The following SARM1 variants were observed in gnomAD, a reference collection of about 807,000 sequenced individuals.
SARM1 encodes the protein sterile alpha and TIR motif containing 1, also known as NAD(+) hydrolase SARM1.
In SARM1, 60 loss-of-function variants were observed where a neutral mutation model predicts 65.1. The observed-to-expected ratio is 0.92, with a 90% CI of 0.75 to 1.14. The LOEUF (loss-of-function observed/expected upper bound fraction) is 1.14, where lower values mean the gene tolerates loss of function less well. SARM1 is among the 50% of genes most tolerant of loss of function. The probability of loss-of-function intolerance (pLI) is 0.00; values close to 1 mark genes in which losing one functional copy is unlikely to be tolerated. For missense variants in SARM1, 913 were observed against 1,015.7 expected (o/e 0.90, Z 1.37); for synonymous variants, 417 against 465.4 (o/e 0.90, Z 1.34).
rs1400841663 is a variant in SARM1, at chr17:28,403,275, T to C, written c.*6989T>C. 6.6e-6 allele frequency: 1 copy of C among 152,250 alleles called. No individual in the cohort carries two copies. The highest frequency in any genetic ancestry group is 2.4e-5 in the African/African-American group (1 of 41,444). The allele number at this position is 152,250 out of a possible 1,614,324, so 9.4% of individuals were successfully genotyped here. ...ACAGCAATCTCAGGGAACCAATACA[T>C]GAGGTAAAAAGGTAACATCTATGAA... On this transcript the variant is annotated 3_prime_UTR_variant, in exon 9 of 9. Coordinates refer to ENST00000585482, the MANE Select transcript of SARM1 (RefSeq NM_015077.4).
intron 7 of SARM1, among the ~76,000 whole-genome samples, chr17:28,392,337 CGATCTCCTGACCTCGT>C (rs1184018920): frequency 6.6e-6 from 1 of 151,842 alleles, no homozygotes; most frequent in Non-Finnish European, 1.5e-5. Flanking sequence ...AAGATGGTCT[CGATCTCCTGACCTCGT>C]GATCCGCCCG....
At chr17:28,390,351 A>G (rs1336172240) in intron 7 of SARM1, among the ~76,000 whole-genome samples, 1 of 152,122 alleles carries the variant, frequency 6.6e-6, no homozygotes, top group Non-Finnish European at 1.5e-5. Flanking sequence ...AATGTTTCTT[A>G]TCAGACTTAT....
Position 28,384,642 on chromosome 17 carries a change from C to G in SARM1, c.1302+73C>G. On this transcript the variant is annotated intron_variant, in intron 3 of 8. Transcript: ENST00000585482. This position sits in a 1 kb window ranked among gnomAD's most constrained non-coding sequence, Gnocchi z 4.4. ...GTGCACAGGGACTGCGTTCCCTCCC[C>G]GCCTCGCAATCCCGCGGCGCCAGGG... 7.0e-7 allele frequency: 1 copy of G among 1,420,802 alleles called. No individual in the cohort carries two copies. Among genetic ancestry groups the G allele is most frequent in the Non-Finnish European group, 9.5e-7 (1 of 1,051,858 alleles). 88.0% of individuals were successfully genotyped at this position (1,420,802 alleles called of 1,614,324 possible).
At chr17:28,374,488 G>C (rs2067978123) in intron 1 of SARM1, among the ~76,000 whole-genome samples, 1 of 152,042 alleles carries the variant, frequency 6.6e-6, no homozygotes, top group Non-Finnish European at 1.5e-5. Context: ...AGTGAGCTGA[G>C]AGCGCGCCAC....
At chr17:28,386,833 G>A (rs945213378) in intron 5 of SARM1, among the ~76,000 whole-genome samples, 7 of 152,124 alleles carry the variant, frequency 4.6e-5, no homozygotes, top group African/African-American at 1.4e-4. Flanking sequence ...TCAACCTCCC[G>A]GGCTCAAGTG....
chr17:28,388,425 C>T lies in SARM1; in HGVS notation c.1809C>T (p.Phe603=), dbSNP rs782246298. 2.9e-5 allele frequency: 47 copies of T among 1,613,868 alleles called. No homozygotes were observed. The South Asian group carries it at 4.6e-4, about 16-fold the overall frequency. The change falls in exon 7 of 9, where the codon TTC becomes TTT. Residue 603 remains phenylalanine (F), a synonymous_variant. Transcript: ENST00000585482. The stretch of plus-strand genomic sequence containing the variant: ...TGGAGAAGCTGGAAGCAGGCAAGTT[C>T]GAGGACAAACTCATCCAGAGTGTCA... ...IDVEKLEAGK[F]EDKLIQSVMG...
Position 28,381,395 on chromosome 17 carries a change from G to A in SARM1, c.663G>A (p.Ala221=). 1 of 1,554,838 alleles carries A rather than the reference G, an allele frequency of 6.4e-7. No homozygotes were observed. Among genetic ancestry groups the A allele is most frequent in the Non-Finnish European group, 8.7e-7 (1 of 1,150,114 alleles). The change falls in exon 2 of 9, where the codon GCG becomes GCA. Residue 221 remains alanine (A), a synonymous_variant. Transcript: ENST00000585482. The part of the protein sequence containing the change: ...VLYWCRRTDP[A]LLRHCALALG... ...ATTGGTGCCGCCGCACGGACCCCGCGCTGCTGCGCCACTGCGCGCTGGCGC... is the reference window on the plus strand; with the variant it reads ...ATTGGTGCCGCCGCACGGACCCCGCACTGCTGCGCCACTGCGCGCTGGCGC...
At chr17:28,379,065 A>G (rs2068007497) in intron 1 of SARM1, among the ~76,000 whole-genome samples, 1 of 152,116 alleles carries the variant, frequency 6.6e-6, no homozygotes, top group Admixed American at 6.6e-5. Flanking sequence ...TATCTATATG[A>G]CAATCTCTTT....
rs369471535 is a variant in SARM1, at chr17:28,395,875, G to T, written c.1924-30G>T. 95 of 1,611,928 alleles carry T rather than the reference G, an allele frequency of 5.9e-5. No individual in the cohort carries two copies. The African/African-American group carries it at 1.2e-3, about 20-fold the overall frequency. On this transcript the variant is annotated intron_variant, in intron 7 of 8. Coordinates refer to ENST00000585482, the MANE Select transcript of SARM1 (RefSeq NM_015077.4). ...CAAGGGTCCCTAGATGGGTACAGGG[G>T]TATCTTCCTCCTTTCCTTTCTTTCT...
chr17:28,387,155 C>T (rs183803227), intron 5 of SARM1, among the ~76,000 whole-genome samples: 15 of 152,048 alleles, frequency 9.9e-5, no homozygotes, highest in Admixed American at 9.8e-4. Flanking sequence ...ATGACATGCT[C>T]AGATTTGGAT....
In SARM1 at chr17:28,385,263, A is replaced by T; in HGVS notation, c.1618A>T (p.Thr540Ser). The change falls in exon 5 of 9, where the codon ACG becomes TCG. Residue 540 changes from threonine (T) to serine (S), a missense_variant. Transcript: ENST00000585482. This position sits in a 1 kb window ranked among gnomAD's most constrained non-coding sequence, Gnocchi z 4.5. ...GGGCGTGCACCGCGCCCGCATCCTC[A>T]CGGCGGCCAGAGGTCAGCCCGCTCA... The part of the protein sequence containing the change: ...HLGVHRARIL[T>S]AAREMLHSPL... 1 of 1,555,666 alleles carries T rather than the reference A, an allele frequency of 6.4e-7. No homozygotes were observed. Among genetic ancestry groups the T allele is most frequent in the Non-Finnish European group, 8.6e-7 (1 of 1,157,248 alleles).
chr17:28,399,619 T>A lies in SARM1; in HGVS notation c.*3333T>A. The A allele has an allele frequency of 6.2e-7, 1 of 1,612,066 alleles. No individual in the cohort carries two copies. The highest frequency in any genetic ancestry group is 8.5e-7 in the Non-Finnish European group (1 of 1,178,270). On this transcript the variant is annotated 3_prime_UTR_variant, in exon 9 of 9. Transcript: ENST00000585482. Reference sequence around the variant, plus strand: ...GACCTCCAGTTGCTTGGTGTTCACTTTGCTCCTCTTGCCCTCTGTCTTCTG... The same window carrying A: ...GACCTCCAGTTGCTTGGTGTTCACTATGCTCCTCTTGCCCTCTGTCTTCTG...
In SARM1 at chr17:28,388,249, G is replaced by T; in HGVS notation, c.1706G>T (p.Arg569Leu). Residue 569 changes from arginine (R) to leucine (L), a missense_variant, in exon 6 of 9, where the codon CGC becomes CTC. Arg to Leu is a moderately radical substitution (Grantham distance 102). Transcript: ENST00000585482. ...ACTCCAGATGTCTTCATCAGCTACCGCCGGAACTCAGGTTCCCAGCTGGCC... is the reference window on the plus strand; with the variant it reads ...ACTCCAGATGTCTTCATCAGCTACCTCCGGAACTCAGGTTCCCAGCTGGCC... ...GDTPDVFISY[R>L]RNSGSQLASL... 1 of 1,553,012 alleles carries T rather than the reference G, an allele frequency of 6.4e-7. No individual in the cohort carries two copies. The highest frequency in any genetic ancestry group is 8.7e-7 in the Non-Finnish European group (1 of 1,148,530).
At position 28,374,958 on chromosome 17, in the gene SARM1, G is replaced by A. The variant is rs562031756; in HGVS notation, c.470+2456G>A. Among the ~76,000 whole-genome samples the A allele has an allele frequency of 1.1e-4, 12 of 109,088 alleles. No homozygotes were observed. In the East Asian group the frequency reaches 3.6e-3, roughly 33 times the overall value. 71.6% of individuals were successfully genotyped at this position (109,088 alleles called of 152,430 possible). A position where few individuals can be genotyped will look rare whatever the true frequency, so the allele number is the denominator to read the frequency against. On this transcript the variant is annotated intron_variant, in intron 1 of 8. Transcript: ENST00000585482. ...ACTGCTTTCCAGCCTCAGTGACAGA[G>A]CCAGACCTTGTCAAAAAAAAAAAAA...
rs1555587796 is a variant in SARM1 at position 28,395,989 on chromosome 17, G to A, written c.2008G>A (p.Glu670Lys). The A allele has an allele frequency of 2.5e-6, 4 of 1,613,818 alleles. No individual in the cohort carries two copies. The highest frequency in any genetic ancestry group is 8.5e-7 in the Non-Finnish European group (1 of 1,179,872). The change falls in exon 8 of 9, where the codon GAG becomes AAG. Residue 670 changes from glutamate to lysine, a missense_variant. Around this residue, in one of 3 missense-constraint regions of SARM1, gnomAD observed 862 missense variants for 952.1 expected, o/e 0.91. Coordinates refer to ENST00000585482, the MANE Select transcript of SARM1 (RefSeq NM_015077.4). ...FEWPEPQVLP[E>K]DMQAVLTFNG... Reference sequence around the variant, plus strand: ...GTGGCCTGAGCCCCAGGTCCTGCCTGAGGACATGCAGGCTGTGCTTACTTT... The same window carrying A: ...GTGGCCTGAGCCCCAGGTCCTGCCTAAGGACATGCAGGCTGTGCTTACTTT...
At chr17:28,377,276 T>G (rs782742307) in intron 1 of SARM1, among the ~76,000 whole-genome samples, 2 of 152,072 alleles carry the variant, frequency 1.3e-5, no homozygotes, top group Non-Finnish European at 2.9e-5. Flanking sequence ...CTCTCTGAGT[T>G]TTGGTTTTCT....
intron 7 of SARM1, among the ~76,000 whole-genome samples, chr17:28,390,869 A>G (rs1391391418): frequency 1.3e-5 from 2 of 152,164 alleles, no homozygotes; most frequent in Non-Finnish European, 2.9e-5. Flanking sequence ...GCCCACATAC[A>G]TCTTGGTACT....
At chr17:28,388,766 C>CTTT (rs371410539) in intron 7 of SARM1, among the ~76,000 whole-genome samples, 4,355 of 135,822 alleles carry the variant, frequency 0.032, 67 homozygotes, top group Non-Finnish European at 0.042. Flanking sequence ...TTTTCTTTTT[C>CTTT]TTTTTTTTTT....
intron 1 of SARM1, among the ~76,000 whole-genome samples, chr17:28,374,970 CAAAAAAA>C (rs35032822): frequency 2.0e-3 from 139 of 70,442 alleles, no homozygotes; most frequent in Non-Finnish European, 2.5e-3. Flanking sequence ...CAGACCTTGT[CAAAAAAA>C]AAAAAAAAAA....
Sources: gnomAD v4.1 joint callset for allele counts (sites outside exome capture counted in the v4.1 genomes callset) on GRCh38, gnomAD v4.1.1 for gene constraint, gnomAD v4.1.1 regional missense constraint, Gnocchi (gnomAD v3.1) non-coding constraint, MANE v1.5 for transcripts, NCBI Gene and HGNC (gene_info 2026-07-23, HGNC 2026-07-21) for gene names.